CASP5: variants seen among roughly 807,000 people sequenced by gnomAD.
The protein encoded by CASP5 is caspase-5.
In CASP5, 42 loss-of-function variants were observed where a neutral mutation model predicts 45.2. The observed-to-expected ratio is 0.93, with a 90% confidence interval of 0.73 to 1.20. The LOEUF is 1.20. Ranked by LOEUF, CASP5 falls within the 50% of genes most tolerant of loss-of-function variation. CASP5 has a pLI of 0.00. For synonymous variants in CASP5, 209 were observed against 186.2 expected, an observed-to-expected ratio of 1.12 and a Z score of -1.00; for missense variants, 512 against 532.2, an observed-to-expected ratio of 0.96 and a Z score of 0.37.
chr11:105,016,203 C>A (rs1862581423), intron 1 of CASP5, among the ~76,000 whole-genome samples: 1 of 152,112 alleles, frequency 6.6e-6, no homozygotes, highest in African/African-American at 2.4e-5. Context: ...GTCTGCAGAT[C>A]TTTAAAGGTT....
At chr11:105,017,765 A>G (rs1407308408) in intron 1 of CASP5, among the ~76,000 whole-genome samples, 2 of 152,184 alleles carry the variant, frequency 1.3e-5, no homozygotes, top group East Asian at 3.9e-4. Context: ...TCCCCAATAT[A>G]GCAAGGCAGG....
chr11:104,995,877 T>C, intron 8 of CASP5, 35 bp from the exon 9 acceptor site: 26 of 1,262,842 alleles, frequency 2.1e-5, no homozygotes, highest in Non-Finnish European at 2.7e-5. Context: ...ATATGAGGGA[T>C]TTTGGGTTCT....
chr11:105,016,638 C>A lies in CASP5; in HGVS notation c.7+6492G>T, dbSNP rs533569270. ...TGGCGCATCAGATTATATCCTGCAC[C>A]TGGCTCGGAGGGTCCTACGCCCACG... On this transcript the variant is annotated intron_variant, in intron 1 of 9. Coordinates refer to ENST00000260315, the MANE Select transcript of CASP5 (RefSeq NM_004347.5). Among the ~76,000 whole-genome samples, 360 of 151,766 alleles carry A rather than the reference C, an allele frequency of 2.4e-3. 3 individuals carry two copies. Among genetic ancestry groups the A allele is most frequent in the African/African-American group, 8.5e-3 (352 of 41,402 alleles).
chr11:104,998,759 A>G, intron 7 of CASP5, 126 bp downstream of exon 7: 1 of 898,402 alleles, frequency 1.1e-6, no homozygotes, highest in Non-Finnish European at 1.7e-6. Flanking sequence ...GATCATGCAA[A>G]ATATATAGAG....
chr11:105,014,863 C>T (rs369010944), intron 1 of CASP5, among the ~76,000 whole-genome samples: 2 of 152,128 alleles, frequency 1.3e-5, no homozygotes, highest in African/African-American at 4.8e-5. Context: ...CAAAAAAAAG[C>T]ATGAGCACAC....
In CASP5 at chr11:104,998,954, G is replaced by A. The variant is rs751769149; in HGVS notation, c.1027C>T (p.Leu343=). The A allele has an allele frequency of 2.5e-6, 4 of 1,613,804 alleles. No individual in the cohort carries two copies. The highest frequency in any genetic ancestry group is 3.4e-6 in the Non-Finnish European group (4 of 1,179,730). The change falls in exon 7 of 10, where the codon CTG becomes TTG. Residue 343 remains leucine (L), a synonymous_variant. Transcript: ENST00000260315. ...ALISSQSSEN[L]EADSVCKIHE... ...ATCTTGCAAACAGAATCTGCCTCCAGGTTCTCAGATGACTGTGAAGAGATG... is the reference window on the plus strand; with the variant it reads ...ATCTTGCAAACAGAATCTGCCTCCAAGTTCTCAGATGACTGTGAAGAGATG...
chr11:105,018,334 A>G (rs1342463711), intron 1 of CASP5, among the ~76,000 whole-genome samples: 3 of 151,862 alleles, frequency 2.0e-5, no homozygotes, highest in Non-Finnish European at 4.4e-5. Flanking sequence ...AATGGACTAA[A>G]TGCTCCAATT....
chr11:104,997,535 CTA>C (rs753829255), intron 7 of CASP5, 43 bp from the exon 8 acceptor site: 9 of 1,259,256 alleles, frequency 7.1e-6, no homozygotes, highest in Non-Finnish European at 1.0e-5. Flanking sequence ...ACGACTTTCA[CTA>C]TGTTTTTGTT....
In CASP5 at chr11:104,995,772, C is replaced by T. The variant is rs760059673; in HGVS notation, c.1277G>A (p.Arg426Lys). 3 of 1,611,838 alleles carry T rather than the reference C, an allele frequency of 1.9e-6. No individual in the cohort carries two copies. The highest frequency in any genetic ancestry group is 3.3e-5 in the Admixed American group (2 of 59,910). ...ATTGCCAGGAAAGAGGTAGAAATCT[C>T]TTGTCAAGGTTGCTCGTTCTATGGT... ...MPTIERATLTRDFYLFPGN is the reference protein window; with the variant it reads ...MPTIERATLTKDFYLFPGN The change falls in exon 9 of 10, where the codon AGA (arginine) becomes AAA (lysine). Residue 426 changes from arginine to lysine, a missense_variant. Transcript: ENST00000260315.
At chr11:105,009,752 TATATATACAC>T (rs1862195468) in intron 1 of CASP5, among the ~76,000 whole-genome samples, 5 of 80,636 alleles carry the variant, frequency 6.2e-5, no homozygotes, top group Non-Finnish European at 5.2e-5. Context: ...TATATATATA[TATATATACAC>T]ACACACACGT....
Position 104,997,451 on chromosome 11 carries a change from T to C in CASP5, c.1138A>G (p.Ile380Val), listed in dbSNP as rs1226637336. Residue 380 changes from isoleucine (I) to valine (V), a missense_variant, in exon 8 of 10, where the codon ATT becomes GTT. Coordinates refer to ENST00000260315, the MANE Select transcript of CASP5 (RefSeq NM_004347.5). ...WRDRTRGSIF[I>V]TELITCFQKY... ...TGGAAGCATGTGATGAGTTCCGTAA[T>C]GAAGATGGAGCCCCTTGTGCGGTCT... The C allele has an allele frequency of 1.2e-6, 2 of 1,613,162 alleles. No individual in the cohort carries two copies. Among genetic ancestry groups the C allele is most frequent in the Non-Finnish European group, 1.7e-6 (2 of 1,179,350 alleles).
chr11:105,000,389 C>T lies in CASP5; in HGVS notation c.824G>A (p.Gly275Glu). 1 of 1,614,146 alleles carries T rather than the reference C, an allele frequency of 6.2e-7. No individual in the cohort carries two copies. Residue 275 changes from glycine to glutamate, a missense_variant, in exon 6 of 10, where the codon GGA (glycine) becomes GAA (glutamate). Physicochemically the swap from Gly to Glu is moderately conservative, Grantham distance 98. Transcript: ENST00000260315. ...CGGTTTTTTCTTTTTATGCGCAGTT[C>T]CGCAGATTCCCTCTAGGATGCCATG... The part of the protein sequence containing the change: ...MSHGILEGIC[G>E]TAHKKKKPDV...
intron 1 of CASP5, among the ~76,000 whole-genome samples, chr11:105,021,615 A>G (rs1265602599): frequency 6.8e-6 from 1 of 147,520 alleles, no homozygotes; most frequent in Non-Finnish European, 1.5e-5. Flanking sequence ...ATGAGATACC[A>G]TCTCACACGA....
At chr11:105,005,743 AT>A (rs1301051360) in intron 3 of CASP5, among the ~76,000 whole-genome samples, 2 of 152,146 alleles carry the variant, frequency 1.3e-5, no homozygotes, top group Non-Finnish European at 2.9e-5. Context: ...GATATCTGGG[AT>A]TGCTAAAATC....
At chr11:105,020,113 A>G (rs1862868911) in intron 1 of CASP5, among the ~76,000 whole-genome samples, 2 of 146,290 alleles carry the variant, frequency 1.4e-5, no homozygotes, top group Admixed American at 7.3e-5. Context: ...ACAACGCTTC[A>G]TGCTAAAAAC....
chr11:105,022,292 C>G (rs900426829), intron 1 of CASP5, among the ~76,000 whole-genome samples: 1 of 150,908 alleles, frequency 6.6e-6, no homozygotes, highest in African/African-American at 2.4e-5. Flanking sequence ...CACATGTACC[C>G]TAAAACTTAA....
rs748389801 is a variant in CASP5, at chr11:104,995,735, C to T, written c.*4+5G>A. 1.6e-5 allele frequency: 26 copies of T among 1,588,152 alleles called. No homozygotes were observed. Among genetic ancestry groups the T allele is most frequent in the Admixed American group, 1.7e-5 (1 of 59,662 alleles). On this transcript the variant is annotated splice_donor_5th_base_variant and intron_variant, in intron 9 of 9. Coordinates refer to ENST00000260315, the MANE Select transcript of CASP5 (RefSeq NM_004347.5). ...TTTCACCCTCCAACAACTCTCAATA[C>T]TTACATTTTCAATTGCCAGGAAAGA... is the stretch of plus-strand genomic sequence containing the variant.
intron 1 of CASP5, among the ~76,000 whole-genome samples, chr11:105,010,003 G>A (rs1862257343): frequency 1.3e-5 from 2 of 149,714 alleles, no homozygotes; most frequent in African/African-American, 4.9e-5. Flanking sequence ...ATTTAAGCAG[G>A]TTGTATGTGG....
chr11:105,005,070 T>C (rs935271554), intron 3 of CASP5, among the ~76,000 whole-genome samples: 7 of 152,114 alleles, frequency 4.6e-5, no homozygotes, highest in African/African-American at 1.4e-4. Context: ...ATAAATATTA[T>C]AGTGCAGTCT....
Sources: allele counts gnomAD v4.1 joint callset (sites outside exome capture counted in the v4.1 genomes callset), GRCh38; gene constraint gnomAD v4.1.1; transcripts MANE v1.5; gene names NCBI Gene and HGNC (gene_info 2026-07-23, HGNC 2026-07-21).